The following KAZN variants were observed in gnomAD, a reference collection of about 807,000 sequenced individuals.
KAZN encodes kazrin, periplakin interacting protein.
In KAZN, 40 loss-of-function variants were observed where a neutral mutation model predicts 87.4. That is an observed-to-expected ratio of 0.46 (90% CI 0.36 to 0.60). The LOEUF (loss-of-function observed/expected upper bound fraction) is 0.60. Ranked by LOEUF, KAZN falls within the 20% of genes least tolerant of loss-of-function variation. KAZN has a pLI of 0.00. For missense variants in KAZN, 898 were observed against 1,073.9 expected, an observed-to-expected ratio of 0.84 and a Z score of 2.29; for synonymous variants, 466 against 458.3, an observed-to-expected ratio of 1.02 and a Z score of -0.22.
chr1:14,859,262 T>G (rs1421153365), intron 1 of KAZN, among the ~76,000 whole-genome samples: 1 of 151,944 alleles, frequency 6.6e-6, no homozygotes, highest in Non-Finnish European at 1.5e-5. Context: ...GTGCACGTTC[T>G]GTAGCAAGCA....
chr1:14,853,817 T>A lies in KAZN; in HGVS notation c.227-106867T>A, dbSNP rs570361888. Among the ~76,000 whole-genome samples, 8 of 152,216 alleles carry A rather than the reference T, an allele frequency of 5.3e-5. No individual in the cohort carries two copies. The South Asian group carries it at 1.7e-3, about 32-fold the overall frequency. On this transcript the variant is annotated intron_variant, in intron 1 of 14. Coordinates refer to ENST00000376030, the MANE Select transcript of KAZN (RefSeq NM_201628.3). ...TTGGTGCTAGTACAGAAGTTCTCCA[T>A]CTATTTCAAGAGCTCCCGTGGGGGC... is the stretch of plus-strand genomic sequence containing the variant.
intron 1 of KAZN, among the ~76,000 whole-genome samples, chr1:14,885,620 T>C (rs983021998): frequency 6.6e-6 from 1 of 152,110 alleles, no homozygotes; most frequent in Non-Finnish European, 1.5e-5. Flanking sequence ...AGTGCTATTA[T>C]TACAGGAGTG....
chr1:14,688,875 T>C (rs1274010280), intron 1 of KAZN, among the ~76,000 whole-genome samples: 3 of 152,232 alleles, frequency 2.0e-5, no homozygotes, highest in Non-Finnish European at 4.4e-5. Flanking sequence ...TATGTAGTTT[T>C]TCTTTTTTAA....
At chr1:13,948,071 A>G (rs1641212882) in intron 1 of KAZN, among the ~76,000 whole-genome samples, 1 of 152,198 alleles carries the variant, frequency 6.6e-6, no homozygotes, top group South Asian at 2.1e-4. Flanking sequence ...CCTTAATGGC[A>G]AAGACTGCTT....
intron 1 of KAZN, among the ~76,000 whole-genome samples, chr1:14,089,006 A>C (rs1362391865): frequency 3.3e-5 from 5 of 151,632 alleles, no homozygotes; most frequent in African/African-American, 4.8e-5. Context: ...TCTAAAAAAA[A>C]AAATCCAGAC....
intron 1 of KAZN, among the ~76,000 whole-genome samples, chr1:14,014,486 GA>G (rs1332431933): frequency 6.6e-6 from 1 of 152,072 alleles, no homozygotes; most frequent in Admixed American, 6.5e-5. Flanking sequence ...AACCATTTCA[GA>G]AGGCATAGAA....
intron 2 of KAZN, among the ~76,000 whole-genome samples, chr1:14,422,269 C>T (rs1665475948): frequency 6.6e-6 from 1 of 152,202 alleles, no homozygotes; most frequent in Non-Finnish European, 1.5e-5. Context: ...CCGTGGGCTT[C>T]CGTGTTTACT....
intron 8 of KAZN, among the ~76,000 whole-genome samples, chr1:15,089,733 A>C (rs1407940163): frequency 3.8e-5 from 1 of 25,984 alleles, no homozygotes; most frequent in Non-Finnish European, 6.7e-5. Context: ...TTTTATTGGC[A>C]AAAAAAAAAA....
intron 2 of KAZN, among the ~76,000 whole-genome samples, chr1:15,007,611 C>T (rs1377593710): frequency 6.6e-6 from 1 of 152,198 alleles, no homozygotes; most frequent in Non-Finnish European, 1.5e-5. Flanking sequence ...GGCCAGCCGA[C>T]CCGTTGGGTA....
At chr1:14,986,619 A>G (rs1452466255) in intron 2 of KAZN, among the ~76,000 whole-genome samples, 3 of 152,094 alleles carry the variant, frequency 2.0e-5, no homozygotes, top group African/African-American at 7.2e-5. Flanking sequence ...GGTCTCTAGC[A>G]TGACGCCCCC....
At chr1:13,963,030 G>T (rs1320265266) in intron 1 of KAZN, among the ~76,000 whole-genome samples, 1 of 152,142 alleles carries the variant, frequency 6.6e-6, no homozygotes, top group African/African-American at 2.4e-5. Context: ...AGTTTGTAGG[G>T]ACTTGTGTAT....
At chr1:15,093,527 G>A (rs972978078) in intron 8 of KAZN, among the ~76,000 whole-genome samples, 3 of 152,118 alleles carry the variant, frequency 2.0e-5, no homozygotes, top group Non-Finnish European at 2.9e-5. Flanking sequence ...ATAATCATTC[G>A]TGCCTTTGTC....
At chr1:14,627,216 GC>G (rs1679208572) in intron 1 of KAZN, among the ~76,000 whole-genome samples, 1 of 151,930 alleles carries the variant, frequency 6.6e-6, no homozygotes, top group South Asian at 2.1e-4. Context: ...GTGTGAAGGA[GC>G]CAGCCATGGG....
chr1:14,410,250 C>T (rs1664199009), intron 2 of KAZN, among the ~76,000 whole-genome samples: 1 of 152,164 alleles, frequency 6.6e-6, no homozygotes, highest in Non-Finnish European at 1.5e-5. Context: ...ACTACAGGCA[C>T]ATGCCACGAT....
chr1:14,763,446 AC>A (rs915974299), intron 1 of KAZN, among the ~76,000 whole-genome samples: 2 of 151,986 alleles, frequency 1.3e-5, no homozygotes, highest in African/African-American at 4.8e-5. Flanking sequence ...CTAAATCAAT[AC>A]CCCCAATAAC....
intron 1 of KAZN, among the ~76,000 whole-genome samples, chr1:14,075,678 G>A (rs573012822): frequency 3.7e-4 from 56 of 152,058 alleles, no homozygotes; most frequent in Admixed American, 5.2e-4. Context: ...GCTCTTTCCC[G>A]GGGAAAATCA....
chr1:14,297,673 C>T (rs568234607), intron 2 of KAZN, among the ~76,000 whole-genome samples: 1 of 152,282 alleles, frequency 6.6e-6, no homozygotes, highest in Non-Finnish European at 1.5e-5. Flanking sequence ...ACTGCCCCCT[C>T]CCCAATGCTA....
At position 15,094,753 on chromosome 1, in the gene KAZN, T is replaced by A; in HGVS notation, c.1429-62T>A. ...GAGCCCCATGTCAACAGACCCCCTC[T>A]AGGGCAGGAACCCCGCCGGCAGCTG... On this transcript the variant is annotated intron_variant, in intron 9 of 14. Coordinates refer to ENST00000376030, the MANE Select transcript of KAZN (RefSeq NM_201628.3). The surrounding 1 kb of genome is among the most constrained non-coding windows in gnomAD (Gnocchi z 4.5). 4 of 1,281,440 alleles carry A rather than the reference T, an allele frequency of 3.1e-6. No individual in the cohort carries two copies. The highest frequency in any genetic ancestry group is 4.4e-6 in the Non-Finnish European group (4 of 911,284). The allele number at this position is 1,281,440 out of a possible 1,614,324, so 79.4% of individuals were successfully genotyped here.
At chr1:14,786,678 A>G (rs1209661452) in intron 1 of KAZN, among the ~76,000 whole-genome samples, 1 of 152,224 alleles carries the variant, frequency 6.6e-6, no homozygotes, top group Admixed American at 6.5e-5. Flanking sequence ...CGACTCACTG[A>G]ATCAGGATAA....
Sources: allele counts gnomAD v4.1 joint callset (sites outside exome capture counted in the v4.1 genomes callset), GRCh38; gene constraint gnomAD v4.1.1; non-coding constraint Gnocchi (gnomAD v3.1); transcripts MANE v1.5; gene names NCBI Gene and HGNC (gene_info 2026-07-23, HGNC 2026-07-21).